Variants in DMRT1 observed in about 807,000 individuals in gnomAD.
DMRT1 encodes doublesex and mab-3 related transcription factor 1.
In DMRT1, 7 loss-of-function variants were observed where a neutral mutation model predicts 32.3. The observed-to-expected ratio is 0.22, with a 90% CI of 0.12 to 0.41. The LOEUF (loss-of-function observed/expected upper bound fraction) is 0.41. Among genes scored for constraint, DMRT1 ranks in the 10% least tolerant of loss-of-function variants. DMRT1 has a pLI of 1.00. For missense variants in DMRT1, 625 were observed against 500.5 expected, an observed-to-expected ratio of 1.25 and a Z score of -2.37; for synonymous variants, 278 against 206.1, an observed-to-expected ratio of 1.35 and a Z score of -2.99.
intron 4 of DMRT1, among the ~76,000 whole-genome samples, chr9:950,051 G>A (rs759536721): frequency 3.4e-4 from 52 of 152,096 alleles, no homozygotes; most frequent in Non-Finnish European, 6.0e-4. Context: ...TCAAGATCCT[G>A]ATTTCAATTC....
At position 842,027 on chromosome 9, in the gene DMRT1, G is replaced by T. The variant is rs1838705625; in HGVS notation, c.189G>T (p.Leu63=). The stretch of plus-strand genomic sequence containing the variant: ...GCTCCGGCTCCGGGGCGTCGGACCT[G>T]GGTGCCGGGAGCAAGAAGTCCCCGC... The part of the protein sequence containing the change: ...GGGSGSGASD[L]GAGSKKSPRL... Residue 63 remains leucine, a synonymous_variant, in exon 1 of 5, where the codon CTG becomes CTT. Coordinates refer to ENST00000382276, the MANE Select transcript of DMRT1 (RefSeq NM_021951.3). 1 of 1,548,898 alleles carries T rather than the reference G, an allele frequency of 6.5e-7. No individual in the cohort carries two copies. Among genetic ancestry groups the T allele is most frequent in the African/African-American group, 1.4e-5 (1 of 73,434 alleles).
chr9:857,267 A>T (rs930843555), intron 2 of DMRT1, among the ~76,000 whole-genome samples: 1 of 152,116 alleles, frequency 6.6e-6, no homozygotes, highest in Non-Finnish European at 1.5e-5. Flanking sequence ...AGATTGCTCC[A>T]CTGCACTCCA....
chr9:968,170 G>C lies in DMRT1; in HGVS notation c.*31G>C, dbSNP rs368604783. On this transcript the variant is annotated 3_prime_UTR_variant, in exon 5 of 5. Transcript: ENST00000382276. ...GCCTGCTGCCGATGGCGGTTCACTT[G>C]GAGTAACAGGCTTATTCCACTTTCC... 6.2e-7 allele frequency: 1 copy of C among 1,612,908 alleles called. No homozygotes were observed. Among genetic ancestry groups the C allele is most frequent in the South Asian group, 1.1e-5 (1 of 90,968 alleles).
intron 3 of DMRT1, 133 bp downstream of exon 3, chr9:894,328 A>G (rs1817270074): frequency 1.1e-6 from 1 of 937,232 alleles, no homozygotes; most frequent in Non-Finnish European, 1.7e-6. Context: ...ACACACAGGT[A>G]CACACACATA....
intron 4 of DMRT1, among the ~76,000 whole-genome samples, chr9:921,430 T>A (rs990851582): frequency 6.6e-6 from 1 of 152,214 alleles, no homozygotes; most frequent in Non-Finnish European, 1.5e-5. Flanking sequence ...TTTTGGGTAA[T>A]GTGAATAGTG....
chr9:919,321 C>G (rs1215495575), intron 4 of DMRT1, among the ~76,000 whole-genome samples: 1 of 148,194 alleles, frequency 6.7e-6, no homozygotes, highest in African/African-American at 2.5e-5. Context: ...TAAATTTAAG[C>G]TTAGCTTCTC....
chr9:864,110 TC>T, intron 2 of DMRT1, among the ~76,000 whole-genome samples: 1 of 152,286 alleles, frequency 6.6e-6, no homozygotes, highest in Non-Finnish European at 1.5e-5. Context: ...CTTTTCCACT[TC>T]CTGTTGGTAG....
At chr9:877,769 T>C (rs1201928062) in intron 2 of DMRT1, among the ~76,000 whole-genome samples, 2 of 152,190 alleles carry the variant, frequency 1.3e-5, no homozygotes, top group Non-Finnish European at 2.9e-5. Flanking sequence ...TCCAGATAAT[T>C]CCCAGTTTGG....
chr9:941,831 A>G (rs1033969358), intron 4 of DMRT1, among the ~76,000 whole-genome samples: 1 of 152,226 alleles, frequency 6.6e-6, no homozygotes, highest in Non-Finnish European at 1.5e-5. Flanking sequence ...AGTAAGTCAC[A>G]TTGATGAATG....
intron 4 of DMRT1, among the ~76,000 whole-genome samples, chr9:934,359 T>G (rs1450678739): frequency 6.6e-6 from 1 of 152,162 alleles, no homozygotes; most frequent in Non-Finnish European, 1.5e-5. Context: ...TGCCTGTGCT[T>G]TTGGTGTCAT....
chr9:949,086 C>T (rs1162814815), intron 4 of DMRT1, among the ~76,000 whole-genome samples: 2 of 151,740 alleles, frequency 1.3e-5, no homozygotes, highest in African/African-American at 4.8e-5. Context: ...GAGTGAGACT[C>T]CATCTTAAAA....
Position 880,649 on chromosome 9 carries a change from C to T in DMRT1, c.539-13263C>T, listed in dbSNP as rs1449362597. Reference sequence around the variant, plus strand: ...GCTGAGGCAGGAGAATTGCTTGAACCTGGGAGGCAGAGGTTGCAGTGAGCT... The same window carrying T: ...GCTGAGGCAGGAGAATTGCTTGAACTTGGGAGGCAGAGGTTGCAGTGAGCT... On this transcript the variant is annotated intron_variant, in intron 2 of 4. Coordinates refer to ENST00000382276, the MANE Select transcript of DMRT1 (RefSeq NM_021951.3). Among the ~76,000 whole-genome samples, 10 of 148,684 alleles carry T rather than the reference C, an allele frequency of 6.7e-5. No homozygotes were observed. In the Admixed American group the frequency reaches 6.8e-4, roughly 10 times the overall value.
intron 2 of DMRT1, among the ~76,000 whole-genome samples, chr9:880,239 A>G (rs1176722762): frequency 6.6e-6 from 1 of 152,176 alleles, no homozygotes; most frequent in Non-Finnish European, 1.5e-5. Context: ...TTTGGTGTGC[A>G]GAAAGGCTGT....
intron 2 of DMRT1, among the ~76,000 whole-genome samples, chr9:884,358 C>T (rs1816843156): frequency 7.8e-6 from 1 of 128,444 alleles, no homozygotes. Flanking sequence ...TTTCACACTG[C>T]ATGTTAGTGC....
chr9:848,364 AAAG>A (rs1189822876), intron 2 of DMRT1, among the ~76,000 whole-genome samples: 1 of 152,170 alleles, frequency 6.6e-6, no homozygotes, highest in Admixed American at 6.5e-5. Context: ...GTTAAGCAGA[AAAG>A]AAGTTAAAAA....
In DMRT1 at chr9:950,014, A is replaced by G. The variant is rs369732281; in HGVS notation, c.968-17971A>G. Among the ~76,000 whole-genome samples the G allele has an allele frequency of 2.6e-5, 4 of 152,188 alleles. No individual in the cohort carries two copies. In the East Asian group the frequency reaches 7.7e-4, roughly 29 times the overall value. On this transcript the variant is annotated intron_variant, in intron 4 of 4. Transcript: ENST00000382276. ...CCTTGGGTACTGTGACTAGTGCTGC[A>G]GTAAATATGGGTGTGCAGATACCTT...
At chr9:922,077 G>C (rs907565940) in intron 4 of DMRT1, among the ~76,000 whole-genome samples, 1 of 151,454 alleles carries the variant, frequency 6.6e-6, no homozygotes, top group African/African-American at 2.4e-5. Context: ...ACAGAGTTTT[G>C]CCATATTGCT....
intron 2 of DMRT1, among the ~76,000 whole-genome samples, chr9:850,014 C>T (rs933117554): frequency 1.3e-5 from 2 of 152,136 alleles, no homozygotes; most frequent in Non-Finnish European, 2.9e-5. Context: ...GACGGGGTTT[C>T]CTCCATGTTG....
chr9:860,985 T>G (rs1382851488), intron 2 of DMRT1, among the ~76,000 whole-genome samples: 1 of 151,994 alleles, frequency 6.6e-6, no homozygotes, highest in South Asian at 2.1e-4. Context: ...GTTGGGAGTT[T>G]AGCATGAATG....
Sources: gnomAD v4.1 joint callset for allele counts (sites outside exome capture counted in the v4.1 genomes callset) on GRCh38, gnomAD v4.1.1 for gene constraint, MANE v1.5 for transcripts, NCBI Gene and HGNC (gene_info 2026-07-23, HGNC 2026-07-21) for gene names.